Variants in ZRANB2 observed in about 807,000 individuals in gnomAD.
ZRANB2 encodes zinc finger Ran-binding domain-containing protein 2.
ZRANB2 carries 19 observed loss-of-function variants against 53.4 expected under a neutral mutation model. That is an observed-to-expected ratio of 0.36 (90% CI 0.25 to 0.52). ZRANB2 has a LOEUF of 0.52. Among genes scored for constraint, ZRANB2 ranks in the 20% least tolerant of loss-of-function variants. ZRANB2 has a pLI of 0.93. For synonymous variants in ZRANB2, 145 were observed against 134.8 expected, an observed-to-expected ratio of 1.08 and a Z score of -0.52; for missense variants, 309 against 401.1, an observed-to-expected ratio of 0.77 and a Z score of 1.96.
rs762645735 is a variant in ZRANB2 at position 71,069,379 on chromosome 1, C to G, written c.684-17G>C. The G allele has an allele frequency of 6.2e-7, 1 of 1,607,528 alleles. No homozygotes were observed. Among genetic ancestry groups the G allele is most frequent in the Non-Finnish European group, 8.5e-7 (1 of 1,175,672 alleles). On this transcript the variant is annotated splice_polypyrimidine_tract_variant and intron_variant, in intron 7 of 9. Coordinates refer to ENST00000370920, the MANE Select transcript of ZRANB2 (RefSeq NM_203350.3). ...GAACGGGACCTGGAACAACATGGAA[C>G]GATTTTTTTTTTCCAGGACCATTTA...
chr1:71,078,392 TAAACAAGTAG>T (rs1463865864), intron 3 of ZRANB2, 55 bp downstream of exon 3: 3 of 1,383,114 alleles, frequency 2.2e-6, no homozygotes, highest in Non-Finnish European at 3.0e-6. Context: ...AGCTGTAATA[TAAACAAGTAG>T]TGGCCAGATC....
In ZRANB2 at chr1:71,078,711, A is replaced by G; in HGVS notation, c.57-3T>C. 6.2e-7 allele frequency: 1 copy of G among 1,610,308 alleles called. No individual in the cohort carries two copies. Among genetic ancestry groups the G allele is most frequent in the Non-Finnish European group, 8.5e-7 (1 of 1,177,346 alleles). ...TAGCAAAGTTTACATTTCCACATCTAAAAACAGATTAAAAAGCATTTATAA... is the reference window on the plus strand; with the variant it reads ...TAGCAAAGTTTACATTTCCACATCTGAAAACAGATTAAAAAGCATTTATAA... On this transcript the variant is annotated splice_polypyrimidine_tract_variant and splice_region_variant and intron_variant, in intron 1 of 9. Transcript: ENST00000370920.
At chr1:71,068,930 A>G (rs1392718228) in intron 8 of ZRANB2, among the ~76,000 whole-genome samples, 1 of 151,974 alleles carries the variant, frequency 6.6e-6, no homozygotes, top group East Asian at 1.9e-4. Context: ...CTGGGATTAT[A>G]GGCATGAATC....
rs1661388984 is a variant in ZRANB2 at position 71,065,045 on chromosome 1, G to T, written c.*29C>A. The T allele has an allele frequency of 6.5e-7, 1 of 1,546,928 alleles. No homozygotes were observed. Among genetic ancestry groups the T allele is most frequent in the Non-Finnish European group, 8.9e-7 (1 of 1,126,934 alleles). ...AAAATATGCTTCATGCACTGTACTG[G>T]ATTTTTTTAAGATGTAAATTTTAAT... On this transcript the variant is annotated 3_prime_UTR_variant, in exon 10 of 10. Coordinates refer to ENST00000370920, the MANE Select transcript of ZRANB2 (RefSeq NM_203350.3).
chr1:71,078,109 T>C (rs1661749006), intron 3 of ZRANB2, among the ~76,000 whole-genome samples: 1 of 152,170 alleles, frequency 6.6e-6, no homozygotes, highest in South Asian at 2.1e-4. Context: ...TTGTGGTGTA[T>C]TTCACACTAA....
At chr1:71,065,733 T>C (rs1427648685) in intron 9 of ZRANB2, 1 of 1,612,746 alleles carries the variant, frequency 6.2e-7, no homozygotes, top group South Asian at 1.1e-5. Context: ...GGTTGTTTAG[T>C]GTTTTCACCA....
At position 71,066,828 on chromosome 1, in the gene ZRANB2, A is replaced by T. The variant is rs763927927; in HGVS notation, c.877T>A (p.Ser293Thr). 35 of 1,612,332 alleles carry T rather than the reference A, an allele frequency of 2.2e-5. No homozygotes were observed. The highest frequency in any genetic ancestry group is 3.3e-5 in the South Asian group (3 of 90,292). Residue 293 changes from serine (S) to threonine (T), a missense_variant, in exon 9 of 10, where the codon TCT (serine) becomes ACT (threonine). Physicochemically the swap from Ser to Thr is moderately conservative, Grantham distance 58 (BLOSUM62 1). This residue lies in a region of ZRANB2 where 211 missense variants were observed against 196.1 expected (regional missense o/e 1.08). Transcript: ENST00000370920. ...CTTTTTTTGCGATCACCAGATGAAG[A>T]AGATCTAGAACGACTTCTCTTTCTG... Reference protein sequence around the residue: ...RNRKRSRSRSSSSGDRKKRRT... With the variant: ...RNRKRSRSRSTSSGDRKKRRT...
rs956956340 is a variant in ZRANB2 at position 71,064,454 on chromosome 1, C to T, written c.*620G>A. Reference sequence around the variant, plus strand: ...GTGTCAGAAAGGAAAATATATCCCACTTCTCTCCTTGTAGACATCACAAGA... The same window carrying T: ...GTGTCAGAAAGGAAAATATATCCCATTTCTCTCCTTGTAGACATCACAAGA... On this transcript the variant is annotated 3_prime_UTR_variant, in exon 10 of 10. Coordinates refer to ENST00000370920, the MANE Select transcript of ZRANB2 (RefSeq NM_203350.3). The T allele has an allele frequency of 1.3e-5, 2 of 152,440 alleles. No individual in the cohort carries two copies. Among genetic ancestry groups the T allele is most frequent in the African/African-American group, 4.8e-5 (2 of 41,440 alleles). 9.4% of individuals were successfully genotyped at this position (152,440 alleles called of 1,614,324 possible).
chr1:71,065,919 C>A, intron 9 of ZRANB2: 1 of 975,290 alleles, frequency 1.0e-6, no homozygotes, highest in Non-Finnish European at 1.5e-6. Context: ...AGAAACAAGA[C>A]TGTGTGAAAT....
Position 71,063,591 on chromosome 1 carries a change from G to A in ZRANB2, c.*1483C>T, listed in dbSNP as rs1661353930. On this transcript the variant is annotated 3_prime_UTR_variant, in exon 10 of 10. Coordinates refer to ENST00000370920, the MANE Select transcript of ZRANB2 (RefSeq NM_203350.3). The stretch of plus-strand genomic sequence containing the variant: ...TAGAAGGTAGACTTTCAAAAAGTCT[G>A]AGGCACAATTACAAGTGAGTAAAAG... The A allele has an allele frequency of 6.6e-6, 1 of 152,386 alleles. No homozygotes were observed. Among genetic ancestry groups the A allele is most frequent in the Non-Finnish European group, 1.5e-5 (1 of 67,888 alleles). 9.4% of individuals were successfully genotyped at this position (152,386 alleles called of 1,614,324 possible).
chr1:71,071,436 A>T lies in ZRANB2; in HGVS notation c.514-440T>A, dbSNP rs114107389. Among the ~76,000 whole-genome samples the T allele has an allele frequency of 3.1e-3, 470 of 152,256 alleles. 6 individuals carry two copies. Among genetic ancestry groups the T allele is most frequent in the African/African-American group, 0.011 (448 of 41,554 alleles). On this transcript the variant is annotated intron_variant, in intron 6 of 9. Transcript: ENST00000370920. ...ACTCTGAAACACAGGACAGATAAAC[A>T]CATCTCACTTTTTTCTTAAAAACTT...
At chr1:71,075,912 G>T (rs1366996348) in intron 4 of ZRANB2, among the ~76,000 whole-genome samples, 1 of 151,664 alleles carries the variant, frequency 6.6e-6, no homozygotes, top group Admixed American at 6.6e-5. Flanking sequence ...AAAGGGGTGG[G>T]GGGGGATAAA....
At chr1:71,079,127 G>A (rs892679789) in intron 1 of ZRANB2, among the ~76,000 whole-genome samples, 1 of 151,906 alleles carries the variant, frequency 6.6e-6, no homozygotes, top group Non-Finnish European at 1.5e-5. Context: ...AGGGCTTCAT[G>A]GATCTTAATG....
At chr1:71,065,611 C>A in intron 9 of ZRANB2, 2 of 1,517,772 alleles carry the variant, frequency 1.3e-6, no homozygotes, top group South Asian at 1.3e-5. Flanking sequence ...CTAGGTCACA[C>A]AAGATGATTG....
intron 9 of ZRANB2, chr1:71,065,925 G>A: frequency 3.3e-6 from 3 of 921,050 alleles, no homozygotes; most frequent in Non-Finnish European, 4.7e-6. Flanking sequence ...AAGACTGTGT[G>A]AAATCTTAAC....
intron 8 of ZRANB2, among the ~76,000 whole-genome samples, chr1:71,068,492 C>CT (rs1661510665): frequency 6.6e-6 from 1 of 152,178 alleles, no homozygotes; most frequent in Admixed American, 6.5e-5. Context: ...CAACCTGAAA[C>CT]TTTAGAACAC....
intron 9 of ZRANB2, chr1:71,065,755 T>A (rs774253148): frequency 1.9e-5 from 30 of 1,612,376 alleles, no homozygotes; most frequent in Non-Finnish European, 2.1e-5. Flanking sequence ...TCACCTGGCT[T>A]ATGGAATAGA....
intron 4 of ZRANB2, among the ~76,000 whole-genome samples, chr1:71,072,774 T>C (rs1388450038): frequency 7.2e-5 from 11 of 152,114 alleles, no homozygotes; most frequent in Non-Finnish European, 2.9e-5. Flanking sequence ...CAATTCCAAA[T>C]TGCCCTACAT....
At chr1:71,079,732 G>A (rs2101053626) in intron 1 of ZRANB2, among the ~76,000 whole-genome samples, 2 of 152,282 alleles carry the variant, frequency 1.3e-5, no homozygotes, top group South Asian at 4.1e-4. Flanking sequence ...TGTCATTAAA[G>A]ACACTGACAA....
Sources: allele counts gnomAD v4.1 joint callset (sites outside exome capture counted in the v4.1 genomes callset), GRCh38; gene constraint gnomAD v4.1.1; regional missense constraint gnomAD v4.1.1; transcripts MANE v1.5; gene names NCBI Gene and HGNC (gene_info 2026-07-23, HGNC 2026-07-21).